The following PPM1L variants were observed in gnomAD, a reference collection of about 807,000 sequenced individuals.
PPM1L encodes protein phosphatase, Mg2+/Mn2+ dependent 1L, also known as protein phosphatase 1L.
PPM1L carries 13 observed loss-of-function variants against 31.4 expected under a neutral mutation model. The observed-to-expected ratio is 0.41, with a 90% CI of 0.27 to 0.66. The LOEUF (loss-of-function observed/expected upper bound fraction) is 0.66, where lower values mean the gene tolerates loss of function less well. PPM1L is among the 30% of genes least tolerant of loss of function. PPM1L has a pLI of 0.29. For missense variants in PPM1L, 326 were observed against 453.7 expected (o/e 0.72, Z 2.56); for synonymous variants, 184 against 175.4 (o/e 1.05, Z -0.39).
At chr3:161,061,968 A>G (rs1719585802) in intron 2 of PPM1L, among the ~76,000 whole-genome samples, 1 of 152,206 alleles carries the variant, frequency 6.6e-6, no homozygotes, top group Non-Finnish European at 1.5e-5. Context: ...GATATTCTCC[A>G]GGACTCAGGC....
chr3:160,841,762 A>T (rs572814659), intron 1 of PPM1L, among the ~76,000 whole-genome samples: 364 of 152,310 alleles, frequency 2.4e-3, no homozygotes, highest in African/African-American at 8.6e-3. Flanking sequence ...TTGATAACAC[A>T]TAAGGACTTC....
At chr3:160,832,080 G>A (rs1388275915) in intron 1 of PPM1L, among the ~76,000 whole-genome samples, 1 of 152,188 alleles carries the variant, frequency 6.6e-6, no homozygotes, top group Non-Finnish European at 1.5e-5. Flanking sequence ...AGGCTTAGTA[G>A]AAGAGATTAG....
chr3:160,766,552 A>T (rs3914945), intron 1 of PPM1L, among the ~76,000 whole-genome samples: 1 of 151,992 alleles, frequency 6.6e-6, no homozygotes. Context: ...GATGATTTCC[A>T]CTATGATTGT....
intron 1 of PPM1L, among the ~76,000 whole-genome samples, chr3:160,862,456 G>C (rs933620729): frequency 5.9e-5 from 9 of 152,192 alleles, no homozygotes; most frequent in Non-Finnish European, 8.8e-5. Flanking sequence ...GCGACTATTA[G>C]GAAAATCAAG....
chr3:161,009,566 A>G (rs1178713125), intron 2 of PPM1L, among the ~76,000 whole-genome samples: 1 of 152,186 alleles, frequency 6.6e-6, no homozygotes, highest in East Asian at 1.9e-4. Flanking sequence ...TCAGCAATCA[A>G]TAACAGCCTC....
intron 1 of PPM1L, among the ~76,000 whole-genome samples, chr3:160,945,558 C>T (rs1715381910): frequency 6.6e-6 from 1 of 152,054 alleles, no homozygotes; most frequent in South Asian, 2.1e-4. Flanking sequence ...TTGATCTGTC[C>T]TATAATTTAT....
intron 1 of PPM1L, among the ~76,000 whole-genome samples, chr3:160,923,260 C>G (rs934429686): frequency 1.3e-5 from 2 of 152,174 alleles, no homozygotes; most frequent in Non-Finnish European, 2.9e-5. Flanking sequence ...TTGGGCAGCT[C>G]CTGTTGAAGC....
chr3:160,793,187 G>T (rs1269587535), intron 1 of PPM1L, among the ~76,000 whole-genome samples: 1 of 152,186 alleles, frequency 6.6e-6, no homozygotes, highest in Non-Finnish European at 1.5e-5. Flanking sequence ...ACTACATGCT[G>T]CCCACACTTA....
chr3:161,043,890 C>T (rs1263167114), intron 2 of PPM1L, among the ~76,000 whole-genome samples: 3 of 152,046 alleles, frequency 2.0e-5, no homozygotes, highest in East Asian at 1.9e-4. Context: ...CTCACTTTAC[C>T]CCTTGGGCTT....
chr3:161,036,649 A>G (rs963801169), intron 2 of PPM1L, among the ~76,000 whole-genome samples: 11 of 152,224 alleles, frequency 7.2e-5, no homozygotes, highest in South Asian at 6.2e-4. Context: ...ACTGCAGAAC[A>G]TAGTGCATAT....
At chr3:160,833,485 G>T (rs1713586912) in intron 1 of PPM1L, among the ~76,000 whole-genome samples, 1 of 152,122 alleles carries the variant, frequency 6.6e-6, no homozygotes, top group African/African-American at 2.4e-5. Context: ...ACTGGCGTGA[G>T]ATGGTATCTC....
chr3:161,061,161 A>G (rs1410882433), intron 2 of PPM1L, among the ~76,000 whole-genome samples: 4 of 151,342 alleles, frequency 2.6e-5, no homozygotes, highest in African/African-American at 4.8e-5. Flanking sequence ...GTTTCAGATC[A>G]TTCTTAAGCC....
At chr3:160,881,328 C>G (rs1183954601) in intron 1 of PPM1L, among the ~76,000 whole-genome samples, 1 of 152,068 alleles carries the variant, frequency 6.6e-6, no homozygotes, top group African/African-American at 2.4e-5. Context: ...TGTTTTGTTT[C>G]ATTTTTTTCA....
intron 2 of PPM1L, among the ~76,000 whole-genome samples, chr3:160,986,210 TC>T (rs1716959928): frequency 6.6e-6 from 1 of 152,212 alleles, no homozygotes; most frequent in Admixed American, 6.5e-5. Context: ...CAGAGAGCCA[TC>T]TGGTATCTTG....
chr3:160,846,495 TGTATTATTAG>T (rs1483574439), intron 1 of PPM1L, among the ~76,000 whole-genome samples: 1 of 152,182 alleles, frequency 6.6e-6, no homozygotes, highest in Non-Finnish European at 1.5e-5. Flanking sequence ...TTAAAAATGT[TGTATTATTAG>T]GATCCTCACC....
At chr3:160,876,973 A>C (rs1712535227) in intron 1 of PPM1L, among the ~76,000 whole-genome samples, 1 of 152,216 alleles carries the variant, frequency 6.6e-6, no homozygotes, top group Admixed American at 6.5e-5. Context: ...CAACAAGGAA[A>C]AGGTTAGTTT....
At chr3:161,038,026 G>T (rs1285809800) in intron 2 of PPM1L, among the ~76,000 whole-genome samples, 1 of 151,708 alleles carries the variant, frequency 6.6e-6, no homozygotes, top group Non-Finnish European at 1.5e-5. Context: ...GAGGTCAGGA[G>T]ATCGAGACCA....
chr3:160,963,711 A>G (rs922104168), intron 2 of PPM1L, among the ~76,000 whole-genome samples: 12 of 152,160 alleles, frequency 7.9e-5, no homozygotes, highest in Middle Eastern at 3.4e-3. Context: ...CAAGGTGAGC[A>G]TGAACATTAG....
rs185187960 is a variant in PPM1L, at chr3:161,071,427, C to T, written c.*2270C>T. On this transcript the variant is annotated 3_prime_UTR_variant, in exon 4 of 4. Coordinates refer to ENST00000498165, the MANE Select transcript of PPM1L (RefSeq NM_139245.4). Reference sequence around the variant, plus strand: ...TACTAAATTAGTAAATCAGTGGTTACGTGCCCTGCAGAATTTCTTAACAGA... The same window carrying T: ...TACTAAATTAGTAAATCAGTGGTTATGTGCCCTGCAGAATTTCTTAACAGA... The T allele has an allele frequency of 1.3e-5, 2 of 152,334 alleles. No individual in the cohort carries two copies. The highest frequency in any genetic ancestry group is 2.4e-5 in the African/African-American group (1 of 41,588). 9.4% of individuals were successfully genotyped at this position (152,334 alleles called of 1,614,324 possible). A position where few individuals can be genotyped will look rare whatever the true frequency, so the allele number is the denominator to read the frequency against.
Sources: allele counts gnomAD v4.1 joint callset (sites outside exome capture counted in the v4.1 genomes callset), GRCh38; gene constraint gnomAD v4.1.1; transcripts MANE v1.5; gene names NCBI Gene and HGNC (gene_info 2026-07-23, HGNC 2026-07-21).